The following PTPRD variants were observed in gnomAD, a reference collection of about 807,000 sequenced individuals.
PTPRD encodes protein tyrosine phosphatase receptor type D.
In PTPRD, 34 loss-of-function variants were observed where a neutral mutation model predicts 214.5. The ratio of observed to expected loss-of-function variants is 0.16; its 90% CI spans 0.12 to 0.21. The LOEUF (loss-of-function observed/expected upper bound fraction) is 0.21, where lower values mean the gene tolerates loss of function less well. Among genes scored for constraint, PTPRD ranks in the 10% least tolerant of loss-of-function variants. PTPRD has a pLI of 1.00. For synonymous variants in PTPRD, 1,128 were observed against 845.7 expected, an observed-to-expected ratio of 1.33 and a Z score of -5.79; for missense variants, 2,545 against 2,398.7, an observed-to-expected ratio of 1.06 and a Z score of -1.27.
At chr9:10,097,242 A>G (rs1178584759) in intron 3 of PTPRD, among the ~76,000 whole-genome samples, 1 of 148,820 alleles carries the variant, frequency 6.7e-6, no homozygotes, top group Non-Finnish European at 1.5e-5. Flanking sequence ...GTTCCATATG[A>G]ACTTTAAAGT....
At position 10,512,953 on chromosome 9, in the gene PTPRD, T is replaced by G. The variant is rs778220613; in HGVS notation, c.-600+99445A>C. On this transcript the variant is annotated intron_variant, in intron 2 of 45. Coordinates refer to ENST00000381196, the MANE Select transcript of PTPRD (RefSeq NM_002839.4). ...AGGACTGAAATTACTTATCATGAGA[T>G]CTAGGATAGATATTATTTAAATAAA... Among the ~76,000 whole-genome samples, 31 of 151,960 alleles carry G rather than the reference T, an allele frequency of 2.0e-4. 1 individual carries two copies. Among genetic ancestry groups the G allele is most frequent in the Non-Finnish European group, 4.0e-4 (27 of 67,992 alleles).
chr9:10,148,992 T>C (rs1329428919), intron 3 of PTPRD, among the ~76,000 whole-genome samples: 2 of 152,172 alleles, frequency 1.3e-5, no homozygotes, highest in African/African-American at 4.8e-5. Context: ...CAGAATAAAT[T>C]AATGGCATTT....
intron 2 of PTPRD, among the ~76,000 whole-genome samples, chr9:10,549,630 C>T (rs1052881701): frequency 2.0e-5 from 3 of 152,230 alleles, no homozygotes; most frequent in Admixed American, 6.5e-5. Context: ...CCCTATCCGT[C>T]AGTGTATATC....
chr9:9,760,681 A>G (rs2098646753), intron 6 of PTPRD, among the ~76,000 whole-genome samples: 1 of 151,258 alleles, frequency 6.6e-6, no homozygotes, highest in South Asian at 2.1e-4. Context: ...AGCACTGTTC[A>G]TACGTGTACT....
intron 30 of PTPRD, among the ~76,000 whole-genome samples, chr9:8,481,912 A>C (rs1482521500): frequency 6.6e-6 from 1 of 152,154 alleles, no homozygotes; most frequent in Non-Finnish European, 1.5e-5. Flanking sequence ...TCTCCTGAGT[A>C]GCTGGGATTA....
intron 5 of PTPRD, among the ~76,000 whole-genome samples, chr9:9,937,972 A>G (rs2090157224): frequency 6.6e-6 from 1 of 152,180 alleles, no homozygotes; most frequent in African/African-American, 2.4e-5. Flanking sequence ...TTGGAGGCAG[A>G]GATCTTACCT....
chr9:9,900,572 T>C (rs4288432), intron 5 of PTPRD, among the ~76,000 whole-genome samples: 31,695 of 151,332 alleles, frequency 0.21, 3,679 homozygotes, highest in African/African-American at 0.3. Context: ...TCCTGTCTTC[T>C]TGAGAGCCCT....
At chr9:9,554,847 C>T (rs2081134143) in intron 8 of PTPRD, among the ~76,000 whole-genome samples, 1 of 152,042 alleles carries the variant, frequency 6.6e-6, no homozygotes, top group Non-Finnish European at 1.5e-5. Flanking sequence ...AAAGTGATTA[C>T]ATTCCAAGCC....
chr9:8,517,333 C>T (rs780749579), intron 21 of PTPRD, among the ~76,000 whole-genome samples: 2 of 152,118 alleles, frequency 1.3e-5, no homozygotes, highest in Non-Finnish European at 2.9e-5. Flanking sequence ...CTCTCTTTAT[C>T]CACTGAGGCC....
At chr9:8,947,399 C>T (rs2099072262) in intron 11 of PTPRD, among the ~76,000 whole-genome samples, 1 of 145,410 alleles carries the variant, frequency 6.9e-6, no homozygotes, top group South Asian at 2.2e-4. Context: ...GGAGGCAGAG[C>T]TTGCTGTGAG....
chr9:9,829,702 G>A (rs932866287), intron 5 of PTPRD, among the ~76,000 whole-genome samples: 1 of 151,764 alleles, frequency 6.6e-6, no homozygotes, highest in Admixed American at 6.6e-5. Flanking sequence ...TTCAGCTGCA[G>A]ATTACAATTC....
intron 7 of PTPRD, among the ~76,000 whole-genome samples, chr9:9,718,591 C>T: frequency 6.6e-6 from 1 of 152,226 alleles, no homozygotes; most frequent in South Asian, 2.1e-4. Context: ...CCCCTGCAGG[C>T]TCAGAAGTGC....
At chr9:9,979,141 T>C (rs1012311194) in intron 4 of PTPRD, among the ~76,000 whole-genome samples, 2 of 152,018 alleles carry the variant, frequency 1.3e-5, no homozygotes, top group Non-Finnish European at 2.9e-5. Context: ...GAGGATGTCC[T>C]TCAGGCAGAA....
intron 2 of PTPRD, among the ~76,000 whole-genome samples, chr9:10,583,119 G>A (rs752186178): frequency 6.6e-6 from 1 of 152,202 alleles, no homozygotes; most frequent in Non-Finnish European, 1.5e-5. Context: ...TGATGCAGCA[G>A]TTAGAACCTT....
intron 7 of PTPRD, among the ~76,000 whole-genome samples, chr9:9,627,509 T>C (rs915692657): frequency 1.7e-4 from 26 of 152,210 alleles, no homozygotes; most frequent in Non-Finnish European, 1.0e-4. Context: ...TCTATAGCAG[T>C]AGAACTTCAC....
At chr9:8,854,771 A>G (rs1243340369) in intron 11 of PTPRD, among the ~76,000 whole-genome samples, 1 of 152,212 alleles carries the variant, frequency 6.6e-6, no homozygotes, top group Non-Finnish European at 1.5e-5. Context: ...GCGCTTACAA[A>G]GCTACTTTAA....
intron 5 of PTPRD, among the ~76,000 whole-genome samples, chr9:9,767,499 T>C (rs1004106749): frequency 6.6e-6 from 1 of 152,094 alleles, no homozygotes; most frequent in Non-Finnish European, 1.5e-5. Flanking sequence ...TATTATTCTA[T>C]CAGATGCAGT....
chr9:9,271,244 C>G (rs1942785519), intron 9 of PTPRD, among the ~76,000 whole-genome samples: 1 of 150,910 alleles, frequency 6.6e-6, no homozygotes, highest in East Asian at 2.0e-4. Flanking sequence ...TATTACAAAG[C>G]ATTGAGAGTA....
At chr9:10,377,783 A>G (rs2097758687) in intron 2 of PTPRD, among the ~76,000 whole-genome samples, 2 of 152,056 alleles carry the variant, frequency 1.3e-5, no homozygotes, top group Non-Finnish European at 2.9e-5. Flanking sequence ...TTGTGGAAGT[A>G]CCACATTTTC....
Sources: gnomAD v4.1 joint callset for allele counts (sites outside exome capture counted in the v4.1 genomes callset) on GRCh38, gnomAD v4.1.1 for gene constraint, MANE v1.5 for transcripts, NCBI Gene and HGNC (gene_info 2026-07-23, HGNC 2026-07-21) for gene names.